Variants in CFAP70 observed in about 807,000 individuals in gnomAD.
CFAP70 encodes the protein cilia- and flagella-associated protein 70.
Under a neutral mutation model 137.6 loss-of-function variants are expected in CFAP70, and 81 were observed. The observed-to-expected ratio is 0.59, with a 90% CI of 0.49 to 0.71. The LOEUF (loss-of-function observed/expected upper bound fraction) is 0.71, where lower values mean the gene tolerates loss of function less well. Among genes scored for constraint, CFAP70 ranks in the 30% least tolerant of loss-of-function variants. The pLI is 0.00. For missense variants in CFAP70, 976 were observed against 1,226.7 expected, an observed-to-expected ratio of 0.80 and a Z score of 3.05; for synonymous variants, 382 against 423.6, an observed-to-expected ratio of 0.90 and a Z score of 1.20.
intron 1 of CFAP70, among the ~76,000 whole-genome samples, chr10:73,356,874 C>A (rs919713603): frequency 3.3e-5 from 5 of 152,220 alleles, no homozygotes; most frequent in African/African-American, 9.6e-5. Context: ...CACTCTAATT[C>A]ATCCTGCTTT....
intron 6 of CFAP70, among the ~76,000 whole-genome samples, chr10:73,337,751 CA>C (rs1294205987): frequency 1.3e-5 from 2 of 151,958 alleles, no homozygotes; most frequent in Non-Finnish European, 2.9e-5. Context: ...ACCAAAAATA[CA>C]AAAATTAGCC....
At chr10:73,329,746 A>G (rs111423983) in intron 8 of CFAP70, among the ~76,000 whole-genome samples, 4 of 152,242 alleles carry the variant, frequency 2.6e-5, no homozygotes, top group African/African-American at 9.6e-5. Context: ...GGGACCTTAC[A>G]AATTATGTGG....
rs2046537889 is a variant in CFAP70, at chr10:73,274,356, C to G, written c.2835+77G>C. On this transcript the variant is annotated intron_variant, in intron 23 of 26. Coordinates refer to ENST00000310715, the Ensembl canonical transcript of CFAP70. Reference sequence around the variant, plus strand: ...CATTATTATATTACTAGTTTTAGTCCACACAGATAGATGTTAATGCTTGAA... The same window carrying G: ...CATTATTATATTACTAGTTTTAGTCGACACAGATAGATGTTAATGCTTGAA... 2.1e-6 allele frequency: 3 copies of G among 1,442,078 alleles called. No homozygotes were observed. In the Admixed American group the frequency reaches 7.4e-5, roughly 36 times the overall value. The allele number at this position is 1,442,078 out of a possible 1,614,324, so 89.3% of individuals were successfully genotyped here. A position where few individuals can be genotyped will look rare whatever the true frequency, so the allele number is the denominator to read the frequency against.
At chr10:73,321,246 G>A (rs2050822746) in intron 9 of CFAP70, among the ~76,000 whole-genome samples, 1 of 151,982 alleles carries the variant, frequency 6.6e-6, no homozygotes, top group Admixed American at 6.6e-5. Flanking sequence ...GTGAAACCTA[G>A]TTTCTACTAA....
At chr10:73,286,693 G>GAC (rs2047741770) in intron 19 of CFAP70, among the ~76,000 whole-genome samples, 1 of 152,168 alleles carries the variant, frequency 6.6e-6, no homozygotes, top group Non-Finnish European at 1.5e-5. Context: ...AGGAATTAAA[G>GAC]ACACACACAC....
At chr10:73,284,746 A>T (rs2047529119) in intron 19 of CFAP70, among the ~76,000 whole-genome samples, 1 of 3,210 alleles carries the variant, frequency 3.1e-4, no homozygotes, top group Non-Finnish European at 6.3e-4. Context: ...CCACATATAT[A>T]TATATATATA....
At chr10:73,271,372 T>C (rs566454388) in intron 24 of CFAP70, among the ~76,000 whole-genome samples, 2 of 152,096 alleles carry the variant, frequency 1.3e-5, no homozygotes, top group South Asian at 4.2e-4. Context: ...ATTAGCTGGG[T>C]GTGGTGGCAC....
At chr10:73,336,812 G>A (rs966155984) in intron 6 of CFAP70, among the ~76,000 whole-genome samples, 1 of 151,414 alleles carries the variant, frequency 6.6e-6, no homozygotes, top group African/African-American at 2.4e-5. Context: ...TCCTGACCTC[G>A]TGCTCAGCCT....
At chr10:73,334,750 T>C (rs2052467817) in intron 7 of CFAP70, among the ~76,000 whole-genome samples, 1 of 151,964 alleles carries the variant, frequency 6.6e-6, no homozygotes, top group African/African-American at 2.4e-5. Context: ...CAGCTAATTT[T>C]TGTATTTTTA....
intron 4 of CFAP70, 62 bp from the exon 5 acceptor site, chr10:73,348,297 A>C: frequency 6.3e-7 from 1 of 1,577,924 alleles, no homozygotes; most frequent in Non-Finnish European, 8.7e-7. Flanking sequence ...GACTGCAGGC[A>C]GAGATAAATG....
Position 73,299,216 on chromosome 10 carries a change from G to GTTT in CFAP70, c.1318-118_1318-116dup, listed in dbSNP as rs1483517543. 1.4e-5 allele frequency: 11 copies of GTTT among 798,130 alleles called. No individual in the cohort carries two copies. In the East Asian group the frequency reaches 3.0e-4, roughly 21 times the overall value. 49.4% of individuals were successfully genotyped at this position (798,130 alleles called of 1,614,324 possible). A position where few individuals can be genotyped will look rare whatever the true frequency, so the allele number is the denominator to read the frequency against. On this transcript the variant is annotated intron_variant, in intron 13 of 26. Transcript: ENST00000310715. ...TGATACTTTATTAGTTTGTTTGTTT[G>GTTT]TTTGTTTGTTTTAGAGACAAGGTCT...
intron 25 of CFAP70, among the ~76,000 whole-genome samples, chr10:73,268,470 G>C (rs899433923): frequency 5.3e-5 from 8 of 152,098 alleles, no homozygotes; most frequent in African/African-American, 1.9e-4. Context: ...ATTGGTGTTT[G>C]AACTCAAACC....
rs113554387 is a variant in CFAP70 at position 73,345,013 on chromosome 10, A to G, written c.399+52T>C. ...TTAGAGGTGAGGAAGAGATGGCCAT[A>G]TGAGTACAGACATGTTTGAATCTCT... On this transcript the variant is annotated intron_variant, in intron 5 of 26. Transcript: ENST00000310715. 1.1e-5 allele frequency: 17 copies of G among 1,479,644 alleles called. No homozygotes were observed. The African/African-American group carries it at 1.2e-4, about 11-fold the overall frequency. The allele number at this position is 1,479,644 out of a possible 1,614,324, so 91.7% of individuals were successfully genotyped here.
At chr10:73,266,825 CA>C (rs891244029) in intron 25 of CFAP70, among the ~76,000 whole-genome samples, 1 of 152,054 alleles carries the variant, frequency 6.6e-6, no homozygotes, top group Non-Finnish European at 1.5e-5. Context: ...CTAGTCTCTG[CA>C]AAAAACAGCT....
intron 7 of CFAP70, among the ~76,000 whole-genome samples, chr10:73,335,060 CT>C (rs547226854): frequency 0.01 from 1,225 of 118,332 alleles, 6 homozygotes; most frequent in East Asian, 0.023. Context: ...TCTTCTTCTT[CT>C]TTTTTTTTTT....
rs114111872 is a variant in CFAP70, at chr10:73,357,785, C to T, written c.-40+929G>A. Among the ~76,000 whole-genome samples the T allele has an allele frequency of 1.5e-3, 233 of 152,312 alleles. 1 individual carries two copies. Among genetic ancestry groups the T allele is most frequent in the African/African-American group, 5.1e-3 (211 of 41,566 alleles). On this transcript the variant is annotated intron_variant, in intron 1 of 26. Transcript: ENST00000310715. ...TCCCCCTGGAATTATCTCTCCCTTTCTCCTCACTCCGTCTCTACAGCAAAT... is the reference window on the plus strand; with the variant it reads ...TCCCCCTGGAATTATCTCTCCCTTTTTCCTCACTCCGTCTCTACAGCAAAT...
chr10:73,310,487 C>T (rs2049817877), intron 11 of CFAP70, among the ~76,000 whole-genome samples: 1 of 152,194 alleles, frequency 6.6e-6, no homozygotes, highest in Non-Finnish European at 1.5e-5. Flanking sequence ...GAAGCTTCTA[C>T]AGTGTAACAA....
chr10:73,275,309 A>C lies in CFAP70; in HGVS notation c.2673+137T>G. ...ATGATTACTTAAGAAAAGCAAATGG[A>C]AGGGTATAGAGAGATGAGTTTACTG... On this transcript the variant is annotated intron_variant, in intron 22 of 26. Coordinates refer to ENST00000310715, the Ensembl canonical transcript of CFAP70. The surrounding 1 kb of genome is among the most constrained non-coding windows in gnomAD (Gnocchi z 4.0). 1 of 906,232 alleles carries C rather than the reference A, an allele frequency of 1.1e-6. No homozygotes were observed. Among genetic ancestry groups the C allele is most frequent in the South Asian group, 3.2e-5 (1 of 31,324 alleles). The allele number at this position is 906,232 out of a possible 1,614,324, so 56.1% of individuals were successfully genotyped here. A position where few individuals can be genotyped will look rare whatever the true frequency, so the allele number is the denominator to read the frequency against.
At chr10:73,345,131 T>G (rs1330409430) in intron 4 of CFAP70, 1 of 1,614,072 alleles carries the variant, frequency 6.2e-7, no homozygotes, top group African/African-American at 1.3e-5. Context: ...GAATGAAGGA[T>G]TCAGGCACAG....
Sources: gnomAD v4.1 joint callset for allele counts (sites outside exome capture counted in the v4.1 genomes callset) on GRCh38, gnomAD v4.1.1 for gene constraint, Gnocchi (gnomAD v3.1) non-coding constraint, MANE v1.5 for transcripts, NCBI Gene and HGNC (gene_info 2026-07-23, HGNC 2026-07-21) for gene names.